The following ADAT2 variants were observed in gnomAD, a reference collection of about 807,000 sequenced individuals.
The protein encoded by ADAT2 is tRNA-specific adenosine-34 deaminase catalytic subunit ADAT2.
In ADAT2, 26 loss-of-function variants were observed where a neutral mutation model predicts 25.9. That is an observed-to-expected ratio of 1.00 (90% confidence interval 0.74 to 1.39). The LOEUF (loss-of-function observed/expected upper bound fraction) is 1.39, where lower values mean the gene tolerates loss of function less well. Ranked by LOEUF, ADAT2 falls within the 40% of genes most tolerant of loss-of-function variation. ADAT2 has a pLI of 0.00. For missense variants in ADAT2, 220 were observed against 244.8 expected (o/e 0.90, Z 0.68); for synonymous variants, 76 against 86.8 (o/e 0.88, Z 0.69).
rs71714792 is a variant in ADAT2 at position 143,425,733 on chromosome 6, TTGTGTGTGTGTGTGTGTGTGTG to T, written c.*2708_*2729del. 6 of 136,514 alleles carry T rather than the reference TTGTGTGTGTGTGTGTGTGTGTG, an allele frequency of 4.4e-5. No homozygotes were observed. Among genetic ancestry groups the T allele is most frequent in the Admixed American group, 7.4e-5 (1 of 13,560 alleles). 8.5% of individuals were successfully genotyped at this position (136,514 alleles called of 1,614,324 possible). ...GGTAAAGGGCCATGGTGTGTTGTGT[TTGTGTGTGTGTGTGTGTGTGTG>T]TGTGTGTGTGTGTGTGTGTGTGTAT... On this transcript the variant is annotated 3_prime_UTR_variant, in exon 6 of 6. Transcript: ENST00000237283.
In ADAT2 at chr6:143,432,375, G is replaced by A. The variant is rs2272923; in HGVS notation, c.459+130C>T. 1 of 801,620 alleles carries A rather than the reference G, an allele frequency of 1.2e-6. No individual in the cohort carries two copies. The highest frequency in any genetic ancestry group is 2.0e-6 in the Non-Finnish European group (1 of 493,542). 49.7% of individuals were successfully genotyped at this position (801,620 alleles called of 1,614,324 possible). A position where few individuals can be genotyped will look rare whatever the true frequency, so the allele number is the denominator to read the frequency against. On this transcript the variant is annotated intron_variant, in intron 4 of 5. Transcript: ENST00000237283. This position sits in a 1 kb window ranked among gnomAD's most constrained non-coding sequence, Gnocchi z 4.4. ...GAGGCATAAATGAACTCCACCAGAG[G>A]CCCTGAGATCAAAGATGTCTGATTC...
In ADAT2 at chr6:143,446,830, C is replaced by T. The variant is rs1379044179; in HGVS notation, c.96+3733G>A. Among the ~76,000 whole-genome samples, 2 of 152,110 alleles carry T rather than the reference C, an allele frequency of 1.3e-5. No individual in the cohort carries two copies. The highest frequency in any genetic ancestry group is 6.5e-5 in the Admixed American group (1 of 15,278). ...TCTGAAAATGAGGACCATAATAATA[C>T]TCACCTGATAGGGCTTCTGTGGGGC... On this transcript the variant is annotated intron_variant, in intron 1 of 5. Transcript: ENST00000237283. The surrounding 1 kb of genome is among the most constrained non-coding windows in gnomAD (Gnocchi z 5.0).
intron 1 of ADAT2, among the ~76,000 whole-genome samples, chr6:143,447,019 T>C (rs1403543105): frequency 6.6e-6 from 1 of 152,224 alleles, no homozygotes; most frequent in African/African-American, 2.4e-5. Flanking sequence ...GATGATGCTA[T>C]GCTTAGCTCT....
At chr6:143,443,406 T>C (rs190791283) in intron 1 of ADAT2, among the ~76,000 whole-genome samples, 41 of 152,112 alleles carry the variant, frequency 2.7e-4, no homozygotes, top group Non-Finnish European at 4.3e-4. Flanking sequence ...GAGAGAACAG[T>C]TGGCAAGAGA....
In ADAT2 at chr6:143,428,735, C is replaced by T. The variant is rs1348273073; in HGVS notation, c.460-51G>A. The T allele has an allele frequency of 4.5e-6, 7 of 1,542,166 alleles. No individual in the cohort carries two copies. Among genetic ancestry groups the T allele is most frequent in the East Asian group, 4.5e-5 (2 of 44,406 alleles). On this transcript the variant is annotated intron_variant, in intron 4 of 5. Transcript: ENST00000237283. This position sits in a 1 kb window ranked among gnomAD's most constrained non-coding sequence, Gnocchi z 5.0. ...AAACATAGGCCTATGAAAATGTGTG[C>T]TGTATCCCATAAAAACAACATATAT...
rs1778912429 is a variant in ADAT2 at position 143,425,733 on chromosome 6, T to TGTGTGTGTGTGTGTGTG, written c.*2729_*2730insCACACACACACACACAC. 18 of 136,582 alleles carry TGTGTGTGTGTGTGTGTG rather than the reference T, an allele frequency of 1.3e-4. No individual in the cohort carries two copies. The highest frequency in any genetic ancestry group is 6.6e-4 in the Admixed American group (9 of 13,570). The allele number at this position is 136,582 out of a possible 1,614,324, so 8.5% of individuals were successfully genotyped here. ...GGTAAAGGGCCATGGTGTGTTGTGT[T>TGTGTGTGTGTGTGTGTG]TGTGTGTGTGTGTGTGTGTGTGTGT... On this transcript the variant is annotated 3_prime_UTR_variant, in exon 6 of 6. Coordinates refer to ENST00000237283, the MANE Select transcript of ADAT2 (RefSeq NM_182503.3).
Position 143,446,550 on chromosome 6 carries a change from G to T in ADAT2, c.96+4013C>A, listed in dbSNP as rs868228443. ...TATTACAAAATTGGGGAAAGTATAT[G>T]CCTCGGCAATTCACAGAAGAAAAAA... On this transcript the variant is annotated intron_variant, in intron 1 of 5. Transcript: ENST00000237283. This position sits in a 1 kb window ranked among gnomAD's most constrained non-coding sequence, Gnocchi z 5.0. 6.6e-6 allele frequency among the ~76,000 whole-genome samples: 1 copy of T among 151,976 alleles called. No individual in the cohort carries two copies. Among genetic ancestry groups the T allele is most frequent in the South Asian group, 2.1e-4 (1 of 4,806 alleles).
At chr6:143,447,917 A>G (rs1438665721) in intron 1 of ADAT2, among the ~76,000 whole-genome samples, 1 of 152,248 alleles carries the variant, frequency 6.6e-6, no homozygotes. Context: ...AAGGATTATA[A>G]ATCATGCTGC....
At chr6:143,443,629 G>A (rs1779521892) in intron 1 of ADAT2, among the ~76,000 whole-genome samples, 1 of 152,068 alleles carries the variant, frequency 6.6e-6, no homozygotes, top group Admixed American at 6.5e-5. Context: ...TCAGGAGTTT[G>A]AGACCAGCCT....
In ADAT2 at chr6:143,432,649, T is replaced by G; in HGVS notation, c.353-38A>C. 6.3e-7 allele frequency: 1 copy of G among 1,594,130 alleles called. No individual in the cohort carries two copies. The highest frequency in any genetic ancestry group is 8.6e-7 in the Non-Finnish European group (1 of 1,162,056). The stretch of plus-strand genomic sequence containing the variant: ...TAAGGTCCTGCATAGAATGTACATT[T>G]CAAGTATGTATCGTGACAAAATCAG... On this transcript the variant is annotated intron_variant, in intron 3 of 5. Coordinates refer to ENST00000237283, the MANE Select transcript of ADAT2 (RefSeq NM_182503.3). The surrounding 1 kb of genome is among the most constrained non-coding windows in gnomAD (Gnocchi z 4.4).
Position 143,432,496 on chromosome 6 carries a change from T to C in ADAT2, c.459+9A>G. 1 of 1,610,792 alleles carries C rather than the reference T, an allele frequency of 6.2e-7. No homozygotes were observed. ...GCAAGAAAGAAAAAGCATAAGCAGT[T>C]TGTATTACCTGAAATGGTCTCCCAG... On this transcript the variant is annotated intron_variant, in intron 4 of 5. Coordinates refer to ENST00000237283, the MANE Select transcript of ADAT2 (RefSeq NM_182503.3). This position sits in a 1 kb window ranked among gnomAD's most constrained non-coding sequence, Gnocchi z 4.4.
chr6:143,442,476 T>TACACAC lies in ADAT2; in HGVS notation c.97-3788_97-3783dup, dbSNP rs35133336. Reference sequence around the variant, plus strand: ...CATGACAAAATTGCATAGGCACGCATACACACACACACACACACACACACA... The same window carrying TACACAC: ...CATGACAAAATTGCATAGGCACGCATACACACACACACACACACACACACACACACA... On this transcript the variant is annotated intron_variant, in intron 1 of 5. Coordinates refer to ENST00000237283, the MANE Select transcript of ADAT2 (RefSeq NM_182503.3). This position sits in a 1 kb window ranked among gnomAD's most constrained non-coding sequence, Gnocchi z 4.6. 0.048 allele frequency among the ~76,000 whole-genome samples: 6,864 copies of TACACAC among 142,122 alleles called. 325 individuals are homozygous for TACACAC. Among genetic ancestry groups the TACACAC allele is most frequent in the African/African-American group, 0.12 (4,554 of 38,200 alleles). 93.2% of individuals were successfully genotyped at this position (142,122 alleles called of 152,430 possible).
In ADAT2 at chr6:143,423,016, C is replaced by T. The variant is rs1778828441; in HGVS notation, c.*5447G>A. The T allele has an allele frequency of 6.6e-6, 1 of 152,320 alleles. No homozygotes were observed. Among genetic ancestry groups the T allele is most frequent in the Non-Finnish European group, 1.5e-5 (1 of 68,036 alleles). 9.4% of individuals were successfully genotyped at this position (152,320 alleles called of 1,614,324 possible). On this transcript the variant is annotated 3_prime_UTR_variant, in exon 6 of 6. Coordinates refer to ENST00000237283, the MANE Select transcript of ADAT2 (RefSeq NM_182503.3). ...AACTTTTCAAAAGGAAAAAACAAAA[C>T]CATGGTACTGAAGCAATTCACCATG... is the stretch of plus-strand genomic sequence containing the variant.
rs139230939 is a variant in ADAT2, at chr6:143,433,687, C to CT, written c.352+143dup. ...TCATTTTACTATTTAAAAAGCTTTT[C>CT]TTTTTTTTGGCTAAGACACACTATA... On this transcript the variant is annotated intron_variant, in intron 3 of 5. Transcript: ENST00000237283. 106 of 758,804 alleles carry CT rather than the reference C, an allele frequency of 1.4e-4. 1 individual carries two copies. The highest frequency in any genetic ancestry group is 1.7e-4 in the South Asian group (4 of 23,514). 47.0% of individuals were successfully genotyped at this position (758,804 alleles called of 1,614,324 possible). A position where few individuals can be genotyped will look rare whatever the true frequency, so the allele number is the denominator to read the frequency against.
rs1354258361 is a variant in ADAT2, at chr6:143,432,840, G to A, written c.353-229C>T. Among the ~76,000 whole-genome samples the A allele has an allele frequency of 6.6e-6, 1 of 152,240 alleles. No individual in the cohort carries two copies. Among genetic ancestry groups the A allele is most frequent in the African/African-American group, 2.4e-5 (1 of 41,450 alleles). On this transcript the variant is annotated intron_variant, in intron 3 of 5. Transcript: ENST00000237283. The surrounding 1 kb of genome is among the most constrained non-coding windows in gnomAD (Gnocchi z 4.4). ...CAACTGCAAACAGAATGAAAACTGA[G>A]TATGTGTTTGCTTAAAGTTCACAGT...
In ADAT2 at chr6:143,444,860, A is replaced by G; in HGVS notation, c.96+5703T>C. ...GACTTCGTAGTTTATTATTTTCTCC[A>G]AAGACATTACTACTATAAACTGCTT... On this transcript the variant is annotated intron_variant, in intron 1 of 5. Coordinates refer to ENST00000237283, the MANE Select transcript of ADAT2 (RefSeq NM_182503.3). The surrounding 1 kb of genome is among the most constrained non-coding windows in gnomAD (Gnocchi z 4.3). 8.8e-7 allele frequency: 1 copy of G among 1,138,844 alleles called. No homozygotes were observed. The highest frequency in any genetic ancestry group is 1.2e-6 in the Non-Finnish European group (1 of 859,414). 70.5% of individuals were successfully genotyped at this position (1,138,844 alleles called of 1,614,324 possible). A position where few individuals can be genotyped will look rare whatever the true frequency, so the allele number is the denominator to read the frequency against.
intron 1 of ADAT2, chr6:143,441,359 G>A (rs1244381947): frequency 6.6e-6 from 1 of 152,130 alleles, no homozygotes; most frequent in Non-Finnish European, 1.5e-5. Context: ...GAAAAAGACT[G>A]TTTTCATCTA....
At chr6:143,450,142 T>C (rs76205047) in intron 1 of ADAT2, among the ~76,000 whole-genome samples, 282 of 152,258 alleles carry the variant, frequency 1.9e-3, no homozygotes, top group African/African-American at 6.3e-3. Context: ...AGACGCCGAT[T>C]GTACAGGGAC....
At position 143,446,966 on chromosome 6, in the gene ADAT2, A is replaced by G. The variant is rs188401668; in HGVS notation, c.96+3597T>C. ...TCTTTTTTCCAAGCCTATCTTTAGA[A>G]TGTTATGCTGAACATGTTATGATGA... On this transcript the variant is annotated intron_variant, in intron 1 of 5. Coordinates refer to ENST00000237283, the MANE Select transcript of ADAT2 (RefSeq NM_182503.3). The surrounding 1 kb of genome is among the most constrained non-coding windows in gnomAD (Gnocchi z 5.0). 5.3e-4 allele frequency among the ~76,000 whole-genome samples: 81 copies of G among 152,342 alleles called. No homozygotes were observed. The highest frequency in any genetic ancestry group is 1.9e-3 in the African/African-American group (80 of 41,576).
Sources: allele counts gnomAD v4.1 joint callset (sites outside exome capture counted in the v4.1 genomes callset), GRCh38; gene constraint gnomAD v4.1.1; non-coding constraint Gnocchi (gnomAD v3.1); transcripts MANE v1.5; gene names NCBI Gene and HGNC (gene_info 2026-07-23, HGNC 2026-07-21).